ZFHX3: variants seen among roughly 807,000 people sequenced by gnomAD.
ZFHX3 encodes the protein zinc finger homeobox 3.
Under a neutral mutation model 279.1 loss-of-function variants are expected in ZFHX3, and 42 were observed. That is an observed-to-expected ratio of 0.15 (90% CI 0.12 to 0.19). The LOEUF is 0.19. Among genes scored for constraint, ZFHX3 ranks in the 10% least tolerant of loss-of-function variants. ZFHX3 has a pLI of 1.00. For synonymous variants in ZFHX3, 2,293 were observed against 1,957.8 expected (o/e 1.17, Z -4.52); for missense variants, 4,981 against 4,754.0 (o/e 1.05, Z -1.40).
At chr16:73,473,358 C>CAAAAAA (rs1300049292) in intron 2 of ZFHX3, among the ~76,000 whole-genome samples, 1 of 43,164 alleles carries the variant, frequency 2.3e-5, no homozygotes, top group Non-Finnish European at 4.9e-5. Flanking sequence ...AAAAAAAAAA[C>CAAAAAA]AAAAAAAAAA....
chr16:73,803,500 C>T (rs190740856), intron 1 of ZFHX3, among the ~76,000 whole-genome samples: 56 of 152,276 alleles, frequency 3.7e-4, no homozygotes, highest in African/African-American at 1.3e-3. Context: ...TTCACTTACC[C>T]TTTGACATGA....
intron 2 of ZFHX3, among the ~76,000 whole-genome samples, chr16:73,473,371 A>AAC (rs2018709949): frequency 6.6e-6 from 1 of 150,610 alleles, no homozygotes; most frequent in African/African-American, 2.5e-5. Context: ...AAAAAAAAAA[A>AAC]ACAAAATAAT....
chr16:73,011,221 C>T (rs1051772907), intron 1 of ZFHX3, among the ~76,000 whole-genome samples: 1 of 151,906 alleles, frequency 6.6e-6, no homozygotes, highest in East Asian at 1.9e-4. Flanking sequence ...GACCTCAGGT[C>T]GATCCGCCTG....
intron 2 of ZFHX3, among the ~76,000 whole-genome samples, chr16:73,643,008 T>C (rs953470510): frequency 6.6e-6 from 1 of 152,174 alleles, no homozygotes; most frequent in Non-Finnish European, 1.5e-5. Context: ...GATTTTCAGT[T>C]AAATTAATTT....
Position 73,241,789 on chromosome 16 carries a change from TC to T in ZFHX3, c.-1104+15257del, listed in dbSNP as rs1258793920. Among the ~76,000 whole-genome samples the T allele has an allele frequency of 2.2e-3, 59 of 26,494 alleles. No homozygotes were observed. The Admixed American group carries it at 0.023, about 10-fold the overall frequency. The allele number at this position is 26,494 out of a possible 152,430, so 17.4% of individuals were successfully genotyped here. A position where few individuals can be genotyped will look rare whatever the true frequency, so the allele number is the denominator to read the frequency against. On this transcript the variant is annotated intron_variant, in intron 5 of 17. Transcript: ENST00000641206. ...GGGGCAATAAGAGCAAAACTCCGTC[TC>T]AAAAAAAAAAAAAAAAAAAAAAAAA... is the stretch of plus-strand genomic sequence containing the variant.
chr16:73,605,092 G>C (rs1227246139), intron 2 of ZFHX3, among the ~76,000 whole-genome samples: 2 of 152,142 alleles, frequency 1.3e-5, no homozygotes, highest in Non-Finnish European at 2.9e-5. Context: ...GGGCTCTGCT[G>C]TAACTAAAAA....
At chr16:72,925,659 A>G (rs1959409755) in intron 3 of ZFHX3, among the ~76,000 whole-genome samples, 1 of 152,242 alleles carries the variant, frequency 6.6e-6, no homozygotes, top group African/African-American at 2.4e-5. Flanking sequence ...ATGAGGAAAA[A>G]GGAATGAATG....
chr16:73,056,075 A>G (rs922374498), intron 1 of ZFHX3, among the ~76,000 whole-genome samples: 1 of 152,240 alleles, frequency 6.6e-6, no homozygotes, highest in East Asian at 1.9e-4. Flanking sequence ...GGAGACACAC[A>G]GACAGAGGAA....
intron 2 of ZFHX3, among the ~76,000 whole-genome samples, chr16:73,558,093 T>A (rs2020314349): frequency 6.6e-6 from 1 of 152,234 alleles, no homozygotes; most frequent in Non-Finnish European, 1.5e-5. Context: ...TTTATGAAGA[T>A]GTCCCAGGAC....
At chr16:72,800,232 A>C in intron 7 of ZFHX3, 103 bp from the exon 8 acceptor site, 1 of 899,724 alleles carries the variant, frequency 1.1e-6, no homozygotes, top group Admixed American at 2.1e-5. Context: ...CACCAGTGTA[A>C]AGCTAGAGGT....
intron 2 of ZFHX3, among the ~76,000 whole-genome samples, chr16:73,657,281 A>T (rs2052731356): frequency 6.6e-6 from 1 of 151,120 alleles, no homozygotes; most frequent in Non-Finnish European, 1.5e-5. Flanking sequence ...ACACGGCAAA[A>T]CCCTGTCTCT....
At chr16:72,864,719 T>C (rs1440870380) in intron 4 of ZFHX3, among the ~76,000 whole-genome samples, 1 of 152,152 alleles carries the variant, frequency 6.6e-6, no homozygotes, top group Non-Finnish European at 1.5e-5. Flanking sequence ...TACTGGCACA[T>C]CAGGACCACC....
intron 5 of ZFHX3, among the ~76,000 whole-genome samples, chr16:73,172,590 T>G (rs1445065652): frequency 6.6e-6 from 1 of 152,202 alleles, no homozygotes; most frequent in East Asian, 1.9e-4. Flanking sequence ...AGATGGTAGC[T>G]CTATAGAGCG....
At chr16:72,994,644 G>C (rs1355321226) in intron 1 of ZFHX3, among the ~76,000 whole-genome samples, 1 of 152,240 alleles carries the variant, frequency 6.6e-6, no homozygotes, top group East Asian at 1.9e-4. Flanking sequence ...CCGCACATCT[G>C]CAGGGAGCCA....
At chr16:72,909,233 G>A (rs1743532202) in intron 3 of ZFHX3, among the ~76,000 whole-genome samples, 1 of 152,142 alleles carries the variant, frequency 6.6e-6, no homozygotes, top group Non-Finnish European at 1.5e-5. Flanking sequence ...TAGGCAAGGG[G>A]TCAGAAAACT....
chr16:72,990,259 G>A (rs1185793295), intron 1 of ZFHX3, among the ~76,000 whole-genome samples: 1 of 152,194 alleles, frequency 6.6e-6, no homozygotes, highest in South Asian at 2.1e-4. Flanking sequence ...GGTTTAAGAC[G>A]ACACGGCGTT....
chr16:72,794,068 T>G lies in ZFHX3; in HGVS notation c.8614A>C (p.Asn2872His). 1 of 1,614,192 alleles carries G rather than the reference T, an allele frequency of 6.2e-7. No homozygotes were observed. Reference protein sequence around the residue: ...ATETKSSSAPNEGLTKAAMMA... With the variant: ...ATETKSSSAPHEGLTKAAMMA... Reference sequence around the variant, plus strand: ...ATGGCCGCTTTGGTCAACCCTTCGTTGGGTGCAGAAGAGGATTTGGTTTCA... The same window carrying G: ...ATGGCCGCTTTGGTCAACCCTTCGTGGGGTGCAGAAGAGGATTTGGTTTCA... Residue 2872 changes from asparagine to histidine, a missense_variant, in exon 9 of 10, where the codon AAC becomes CAC. By Grantham distance (68) the Asn-to-His change is moderately conservative. This residue lies in a region of ZFHX3 where 744 missense variants were observed against 701.3 expected (regional missense o/e 1.06). Coordinates refer to ENST00000268489, the MANE Select transcript of ZFHX3 (RefSeq NM_006885.4). This position sits in a 1 kb window ranked among gnomAD's most constrained non-coding sequence, Gnocchi z 4.2.
At chr16:73,510,198 C>A (rs1159641284) in intron 2 of ZFHX3, among the ~76,000 whole-genome samples, 2 of 152,168 alleles carry the variant, frequency 1.3e-5, no homozygotes, top group Admixed American at 1.3e-4. Flanking sequence ...AATTACACCA[C>A]TCTCTTCTAA....
intron 2 of ZFHX3, among the ~76,000 whole-genome samples, chr16:72,955,960 G>C (rs1961233459): frequency 6.6e-6 from 1 of 152,082 alleles, no homozygotes; most frequent in South Asian, 2.1e-4. Context: ...CCCATCTCCT[G>C]GTGTGCATGG....
Sources: allele counts gnomAD v4.1 joint callset (sites outside exome capture counted in the v4.1 genomes callset), GRCh38; gene constraint gnomAD v4.1.1; regional missense constraint gnomAD v4.1.1; non-coding constraint Gnocchi (gnomAD v3.1); transcripts MANE v1.5; gene names NCBI Gene and HGNC (gene_info 2026-07-23, HGNC 2026-07-21).